The following NOX4 variants were observed in gnomAD, a reference collection of about 807,000 sequenced individuals.
The protein encoded by NOX4 is NADPH oxidase 4, also known as kidney oxidase-1.
A neutral mutation model predicts 87.6 loss-of-function variants in NOX4; 69 were observed. That is an observed-to-expected ratio of 0.79 (90% CI 0.65 to 0.96). The LOEUF is 0.96. NOX4 is among the 40% of genes least tolerant of loss of function. The probability of loss-of-function intolerance (pLI) is 0.00; values close to 1 mark genes in which losing one functional copy is unlikely to be tolerated. For synonymous variants in NOX4, 275 were observed against 238.2 expected (o/e 1.15, Z -1.42); for missense variants, 680 against 681.5 (o/e 1.00, Z 0.02).
chr11:89,378,494 A>G (rs1455529154), intron 11 of NOX4, among the ~76,000 whole-genome samples: 2 of 152,154 alleles, frequency 1.3e-5, no homozygotes, highest in Non-Finnish European at 2.9e-5. Flanking sequence ...TTATTTTTAC[A>G]TGATTTTTCT....
chr11:89,328,094 G>T (rs1367481148), intron 17 of NOX4, among the ~76,000 whole-genome samples: 2 of 152,064 alleles, frequency 1.3e-5, no homozygotes. Context: ...GACAAAGAAC[G>T]GAGTTACATT....
chr11:89,451,211 A>C (rs1944944134), intron 3 of NOX4, among the ~76,000 whole-genome samples: 1 of 152,130 alleles, frequency 6.6e-6, no homozygotes, highest in African/African-American at 2.4e-5. Flanking sequence ...CTTAAAGTAT[A>C]ATAAAAAAAG....
At chr11:89,359,090 A>G (rs1279675826) in intron 12 of NOX4, among the ~76,000 whole-genome samples, 1 of 152,082 alleles carries the variant, frequency 6.6e-6, no homozygotes, top group Non-Finnish European at 1.5e-5. Context: ...CCATTCAATC[A>G]ACAAAAAGAT....
chr11:89,510,792 C>T, the NOX4 span, among the ~76,000 whole-genome samples: 4 of 152,000 alleles, frequency 2.6e-5, no homozygotes, highest in South Asian at 2.1e-4. Flanking sequence ...TGAGAAATAT[C>T]GGTTTGGATC....
intron 12 of NOX4, among the ~76,000 whole-genome samples, chr11:89,362,364 A>G (rs1565197959): frequency 6.6e-6 from 1 of 151,990 alleles, no homozygotes; most frequent in Non-Finnish European, 1.5e-5. Flanking sequence ...AACCTTCCAG[A>G]TGTTACATAA....
intron 9 of NOX4, 76 bp from the exon 10 acceptor site, chr11:89,400,455 T>G: frequency 1.0e-6 from 1 of 989,036 alleles, no homozygotes; most frequent in Non-Finnish European, 1.4e-6. Flanking sequence ...AATTGCTTAT[T>G]GCATACATTA....
chr11:89,549,291 C>T, the NOX4 span, among the ~76,000 whole-genome samples: 1 of 152,082 alleles, frequency 6.6e-6, no homozygotes, highest in African/African-American at 2.4e-5. Context: ...TAAAACCAAC[C>T]TTTTCTCAGA....
At position 89,326,875 on chromosome 11, in the gene NOX4, T is replaced by A. The variant is rs1945241871; in HGVS notation, c.1618A>T (p.Lys540Ter). Residue 540 changes from lysine (K) to a stop codon, truncating the protein, a stop_gained and splice_region_variant, in exon 18 of 18, where the codon AAA (lysine) becomes TAA (stop). Transcript: ENST00000263317. LOFTEE classifies it high-confidence loss of function. The part of the protein sequence containing the change: ...FDEIAKYNRG[K>*]TVGVFCCGPN... Reference sequence around the variant, plus strand: ...CCACAACAGAAAACACCAACTGTTTTTCTAGAACAAGAGCAGAGAAAATGG... The same window carrying A: ...CCACAACAGAAAACACCAACTGTTTATCTAGAACAAGAGCAGAGAAAATGG... 2 of 1,612,968 alleles carry A rather than the reference T, an allele frequency of 1.2e-6. No individual in the cohort carries two copies. Among genetic ancestry groups the A allele is most frequent in the Non-Finnish European group, 1.7e-6 (2 of 1,179,432 alleles).
the NOX4 span, among the ~76,000 whole-genome samples, chr11:89,516,977 C>T: frequency 8.6e-6 from 1 of 115,842 alleles, no homozygotes; most frequent in African/African-American, 3.8e-5. Flanking sequence ...TCCTCTCTTC[C>T]TCCTCCTCCT....
intron 4 of NOX4, among the ~76,000 whole-genome samples, chr11:89,449,097 C>T (rs567680026): frequency 4.4e-4 from 67 of 152,172 alleles, no homozygotes; most frequent in Non-Finnish European, 7.4e-4. Context: ...TCCCTGTAGA[C>T]AACCCTTTTC....
chr11:89,366,231 T>C (rs189890497), intron 12 of NOX4, among the ~76,000 whole-genome samples: 249 of 152,132 alleles, frequency 1.6e-3, no homozygotes, highest in African/African-American at 5.7e-3. Flanking sequence ...TAAAATCAAG[T>C]AGAAAATACT....
Position 89,326,213 on chromosome 11 carries a change from C to CGATT in NOX4, c.*539_*542dup, listed in dbSNP as rs1486914016. On this transcript the variant is annotated 3_prime_UTR_variant, in exon 18 of 18. Transcript: ENST00000263317. ...GAGGTATTAGCATAAGTAGTGGAGA[C>CGATT]GATTAGATATTGACACAAAGTACCC... 2.6e-4 allele frequency: 40 copies of CGATT among 151,920 alleles called. No homozygotes were observed. The highest frequency in any genetic ancestry group is 9.4e-4 in the African/African-American group (39 of 41,366). The allele number at this position is 151,920 out of a possible 1,614,324, so 9.4% of individuals were successfully genotyped here. A position where few individuals can be genotyped will look rare whatever the true frequency, so the allele number is the denominator to read the frequency against.
chr11:89,521,433 AG>A, the NOX4 span, among the ~76,000 whole-genome samples: 1 of 152,172 alleles, frequency 6.6e-6, no homozygotes, highest in Non-Finnish European at 1.5e-5. Flanking sequence ...CAACAGGGAA[AG>A]GGCTCCATAT....
the NOX4 span, among the ~76,000 whole-genome samples, chr11:89,539,872 G>C: frequency 1.3e-5 from 2 of 151,326 alleles, no homozygotes; most frequent in Non-Finnish European, 3.0e-5. Context: ...AGAATTTTCA[G>C]CCATTTTAAT....
intron 2 of NOX4, among the ~76,000 whole-genome samples, chr11:89,483,076 C>G (rs1946457815): frequency 6.6e-6 from 1 of 152,066 alleles, no homozygotes; most frequent in South Asian, 2.1e-4. Context: ...AGTTCCTAAT[C>G]TAAGCTTCTT....
the NOX4 span, among the ~76,000 whole-genome samples, chr11:89,563,305 TG>T: frequency 1.3e-5 from 2 of 152,214 alleles, no homozygotes; most frequent in African/African-American, 4.8e-5. Context: ...AAATACTTTT[TG>T]TTAAATTACC....
At chr11:89,390,300 C>G (rs1336216947) in intron 11 of NOX4, among the ~76,000 whole-genome samples, 1 of 152,144 alleles carries the variant, frequency 6.6e-6, no homozygotes, top group Non-Finnish European at 1.5e-5. Flanking sequence ...CAAAAACTCC[C>G]TTGGGGGATA....
intron 13 of NOX4, among the ~76,000 whole-genome samples, chr11:89,344,364 C>T (rs1156414236): frequency 4.6e-5 from 7 of 151,884 alleles, no homozygotes; most frequent in Non-Finnish European, 8.8e-5. Flanking sequence ...ATTTTGGGCC[C>T]AGCCTGAGCA....
chr11:89,348,543 A>C (rs549788753), intron 13 of NOX4, among the ~76,000 whole-genome samples: 1 of 152,170 alleles, frequency 6.6e-6, no homozygotes, highest in African/African-American at 2.4e-5. Flanking sequence ...CTTAAGCCCA[A>C]GATGTTGAGG....
Sources: gnomAD v4.1 joint callset for allele counts (sites outside exome capture counted in the v4.1 genomes callset) on GRCh38, gnomAD v4.1.1 for gene constraint, MANE v1.5 for transcripts, NCBI Gene and HGNC (gene_info 2026-07-23, HGNC 2026-07-21) for gene names.